The following NRG1 variants were observed in gnomAD, a reference collection of about 807,000 sequenced individuals.
NRG1 encodes the protein pro-neuregulin-1, membrane-bound isoform.
NRG1 carries 18 observed loss-of-function variants against 63.8 expected under a neutral mutation model. That is an observed-to-expected ratio of 0.28 (90% CI 0.19 to 0.42). The LOEUF is 0.42. Ranked by LOEUF, NRG1 falls within the 10% of genes least tolerant of loss-of-function variation. The probability of loss-of-function intolerance (pLI) is 1.00; values close to 1 mark genes in which losing one functional copy is unlikely to be tolerated. For missense variants in NRG1, 762 were observed against 814.7 expected (o/e 0.94, Z 0.79); for synonymous variants, 302 against 301.3 (o/e 1.00, Z -0.02).
At chr8:32,695,190 A>G (rs1303131055) in intron 5 of NRG1, among the ~76,000 whole-genome samples, 1 of 152,054 alleles carries the variant, frequency 6.6e-6, no homozygotes, top group Non-Finnish European at 1.5e-5. Context: ...AACAAAAAAC[A>G]ATTAGTTGGG....
At chr8:31,782,426 C>T (rs889559696) in intron 1 of NRG1, among the ~76,000 whole-genome samples, 3 of 152,144 alleles carry the variant, frequency 2.0e-5, no homozygotes, top group South Asian at 2.1e-4. Flanking sequence ...CACTAATGAC[C>T]GTCTGGCAGA....
At chr8:32,350,812 T>C (rs1434049742) in intron 1 of NRG1, among the ~76,000 whole-genome samples, 1 of 152,084 alleles carries the variant, frequency 6.6e-6, no homozygotes, top group East Asian at 1.9e-4. Flanking sequence ...ATCAAGGGCC[T>C]CCTTGAATTT....
intron 1 of NRG1, among the ~76,000 whole-genome samples, chr8:32,043,470 A>G (rs534502417): frequency 1.6e-3 from 246 of 152,214 alleles, no homozygotes; most frequent in African/African-American, 5.6e-3. Context: ...CTTCACACAC[A>G]AGAAAATAAA....
intron 1 of NRG1, among the ~76,000 whole-genome samples, chr8:31,772,261 C>T (rs994619594): frequency 5.3e-5 from 8 of 152,202 alleles, no homozygotes; most frequent in Middle Eastern, 3.4e-3. Context: ...TTTCTTGTCA[C>T]GTTTCTGTAC....
At chr8:32,595,869 G>A (rs1225335457) in exon 2 of NRG1, 2 of 1,613,186 alleles carry the variant, frequency 1.2e-6, no homozygotes, top group Non-Finnish European at 1.7e-6. Context: ...CCAGGAATCG[G>A]CTGCAGGTTC....
rs117887904 is a variant in NRG1 at position 31,682,775 on chromosome 8, G to A, written c.37+43344G>A. 9.6e-3 allele frequency among the ~76,000 whole-genome samples: 1,457 copies of A among 152,122 alleles called. 45 individuals carry two copies. The South Asian group carries it at 0.12, about 12-fold the overall frequency. ...TTATATGGAATAAAAAAATGCAGTC[G>A]AATAAAAACAGATGCAGTATAATGC... On this transcript the variant is annotated intron_variant, in intron 1 of 10. Transcript: ENST00000519301.
At chr8:32,015,480 C>G (rs1815373665) in intron 1 of NRG1, among the ~76,000 whole-genome samples, 1 of 152,054 alleles carries the variant, frequency 6.6e-6, no homozygotes, top group African/African-American at 2.4e-5. Context: ...GCCCTAAATT[C>G]TACAGGCAGT....
In NRG1 at chr8:32,560,963, C is replaced by T. The variant is rs1836280107; in HGVS notation, c.100+12137C>T. Among the ~76,000 whole-genome samples, 9 of 152,156 alleles carry T rather than the reference C, an allele frequency of 5.9e-5. No homozygotes were observed. In the South Asian group the frequency reaches 1.9e-3, roughly 32 times the overall value. On this transcript the variant is annotated intron_variant, in intron 1 of 11. Transcript: ENST00000356819. The stretch of plus-strand genomic sequence containing the variant: ...AAAGTAATCTTAAACAATATTAGTA[C>T]TGCCTAAAAAGTAAGGTCTTAAATA...
At chr8:31,796,442 TTTTTTTTTGA>T in intron 1 of NRG1, among the ~76,000 whole-genome samples, 1 of 126,136 alleles carries the variant, frequency 7.9e-6, no homozygotes, top group Non-Finnish European at 1.6e-5. Context: ...TTTTTTTTTT[TTTTTTTTTGA>T]GATGGAGTCT....
At chr8:32,112,984 A>C (rs1345552937) in intron 1 of NRG1, among the ~76,000 whole-genome samples, 2 of 152,176 alleles carry the variant, frequency 1.3e-5, no homozygotes, top group East Asian at 3.9e-4. Context: ...ACTAAATGAA[A>C]ATTGGGACCC....
intron 1 of NRG1, among the ~76,000 whole-genome samples, chr8:31,831,642 C>G (rs556288404): frequency 2.6e-5 from 4 of 152,178 alleles, no homozygotes; most frequent in African/African-American, 4.8e-5. Context: ...TGGGTATTCT[C>G]TCTCTATGGA....
At chr8:32,418,032 A>G (rs1272927020) in intron 1 of NRG1, among the ~76,000 whole-genome samples, 3 of 152,146 alleles carry the variant, frequency 2.0e-5, no homozygotes, top group Admixed American at 2.0e-4. Flanking sequence ...AGATAGTGGC[A>G]GAGGGAAACA....
At chr8:31,938,859 A>G (rs1404064227) in intron 1 of NRG1, among the ~76,000 whole-genome samples, 2 of 152,158 alleles carry the variant, frequency 1.3e-5, no homozygotes, top group African/African-American at 4.8e-5. Flanking sequence ...TCCATCAAAG[A>G]CAAAGAGAAA....
chr8:31,802,816 C>A (rs1011603758), intron 1 of NRG1, among the ~76,000 whole-genome samples: 1 of 152,068 alleles, frequency 6.6e-6, no homozygotes, highest in African/African-American at 2.4e-5. Context: ...ATGCAGGGAA[C>A]AATATGGATC....
intron 1 of NRG1, among the ~76,000 whole-genome samples, chr8:32,077,822 TTGTA>T (rs1259867470): frequency 3.3e-5 from 5 of 152,104 alleles, no homozygotes; most frequent in South Asian, 2.1e-4. Context: ...GCAGTTTGAT[TTGTA>T]ATTATGGGAA....
intron 1 of NRG1, among the ~76,000 whole-genome samples, chr8:32,090,567 G>A (rs756751464): frequency 5.3e-5 from 8 of 152,090 alleles, no homozygotes; most frequent in Middle Eastern, 3.4e-3. Context: ...GTGTTCTGCC[G>A]GCCTCAGCCT....
At chr8:32,000,076 G>A (rs900628608) in intron 1 of NRG1, among the ~76,000 whole-genome samples, 1 of 152,048 alleles carries the variant, frequency 6.6e-6, no homozygotes, top group Non-Finnish European at 1.5e-5. Flanking sequence ...AGCTGATGGG[G>A]CAGAAGGTAG....
chr8:32,767,001 C>G (rs1263563306), exon 12 of NRG1: 2 of 152,144 alleles, frequency 1.3e-5, no homozygotes, highest in African/African-American at 2.4e-5. Flanking sequence ...TAGAAATTGC[C>G]CAGGAGTTTG....
Position 32,518,718 on chromosome 8 carries a change from A to T in NRG1, c.38-77110A>T, listed in dbSNP as rs538789558. 3.9e-5 allele frequency among the ~76,000 whole-genome samples: 6 copies of T among 152,334 alleles called. No individual in the cohort carries two copies. The East Asian group carries it at 9.6e-4, about 24-fold the overall frequency. ...TAAGATTTCATGTGAAAACCAAGAA[A>T]AAAAGGTTACTGTATTTTTTAAAGG... On this transcript the variant is annotated intron_variant, in intron 1 of 10. Transcript: ENST00000519301.
Sources: gnomAD v4.1 joint callset for allele counts (sites outside exome capture counted in the v4.1 genomes callset) on GRCh38, gnomAD v4.1.1 for gene constraint, MANE v1.5 for transcripts, NCBI Gene and HGNC (gene_info 2026-07-23, HGNC 2026-07-21) for gene names.